Variants in GALNT17 observed in about 807,000 individuals in gnomAD.
GALNT17 encodes the protein UDP-GalNAc:polypeptide N-acetylgalactosaminyltransferase-like 3.
A neutral mutation model predicts 63.7 loss-of-function variants in GALNT17; 29 were observed. The observed-to-expected ratio is 0.46, with a 90% CI of 0.34 to 0.62. GALNT17 has a LOEUF of 0.62. Among genes scored for constraint, GALNT17 ranks in the 20% least tolerant of loss-of-function variants. GALNT17 has a pLI of 0.01. For missense variants in GALNT17, 603 were observed against 799.6 expected (o/e 0.75, Z 2.97); for synonymous variants, 305 against 318.3 (o/e 0.96, Z 0.45).
intron 5 of GALNT17, among the ~76,000 whole-genome samples, chr7:71,464,874 C>G (rs2116591391): frequency 6.6e-6 from 1 of 152,260 alleles, no homozygotes; most frequent in Non-Finnish European, 1.5e-5. Context: ...CAGCTGAGTT[C>G]AAACTTGCAC....
chr7:71,400,065 G>T (rs1037877763), intron 3 of GALNT17, among the ~76,000 whole-genome samples: 4 of 152,122 alleles, frequency 2.6e-5, no homozygotes, highest in African/African-American at 9.7e-5. Flanking sequence ...CATGTGCCAT[G>T]GTGGTTTGCT....
intron 5 of GALNT17, among the ~76,000 whole-genome samples, chr7:71,518,671 A>G (rs1001756935): frequency 2.0e-5 from 3 of 152,056 alleles, no homozygotes; most frequent in Non-Finnish European, 4.4e-5. Flanking sequence ...ATTTGGATAT[A>G]CTCCCACATT....
At chr7:71,671,070 C>T (rs145109059) in intron 8 of GALNT17, among the ~76,000 whole-genome samples, 101 of 150,152 alleles carry the variant, frequency 6.7e-4, no homozygotes, top group Admixed American at 1.7e-3. Flanking sequence ...AATTAATGGC[C>T]GCACATGGTT....
chr7:71,185,152 C>A (rs1304950696), intron 1 of GALNT17, among the ~76,000 whole-genome samples: 1 of 144,930 alleles, frequency 6.9e-6, no homozygotes, highest in African/African-American at 2.6e-5. Context: ...CCCGTCCCCT[C>A]CCCTTCCTTC....
chr7:71,218,700 C>T (rs1236713969), intron 1 of GALNT17, among the ~76,000 whole-genome samples: 1 of 152,014 alleles, frequency 6.6e-6, no homozygotes. Context: ...GCTCCACCTC[C>T]TGTCAGGCCA....
chr7:71,180,906 C>T (rs1008843549), intron 1 of GALNT17, among the ~76,000 whole-genome samples: 7 of 152,110 alleles, frequency 4.6e-5, no homozygotes, highest in East Asian at 1.9e-4. Context: ...GTGATGAACA[C>T]GGTCATTGTG....
At chr7:71,312,578 G>T (rs968418828) in intron 1 of GALNT17, among the ~76,000 whole-genome samples, 4 of 152,144 alleles carry the variant, frequency 2.6e-5, no homozygotes, top group African/African-American at 4.8e-5. Flanking sequence ...TGCTGGCAGG[G>T]TTGGTTTCTC....
chr7:71,557,146 C>G (rs1048519465), intron 5 of GALNT17, among the ~76,000 whole-genome samples: 1 of 151,632 alleles, frequency 6.6e-6, no homozygotes, highest in Non-Finnish European at 1.5e-5. Flanking sequence ...TCTACCTCAG[C>G]CTCCCAAAGC....
chr7:71,376,315 A>AT (rs541338731), intron 2 of GALNT17, among the ~76,000 whole-genome samples: 6,891 of 133,720 alleles, frequency 0.052, 497 homozygotes, highest in African/African-American at 0.17. Flanking sequence ...GCACAGGAGG[A>AT]TTTTTTTTTT....
intron 5 of GALNT17, among the ~76,000 whole-genome samples, chr7:71,549,522 G>A (rs948766670): frequency 2.0e-5 from 3 of 152,162 alleles, no homozygotes; most frequent in Non-Finnish European, 4.4e-5. Context: ...GCTGCAGTGA[G>A]CTACGATCAT....
chr7:71,236,537 T>C (rs767830709), intron 1 of GALNT17, among the ~76,000 whole-genome samples: 8 of 152,168 alleles, frequency 5.3e-5, no homozygotes, highest in South Asian at 2.1e-4. Context: ...TGCCTTGTTA[T>C]CTTTTTCTAT....
chr7:71,581,740 G>T (rs1311849117), intron 6 of GALNT17, among the ~76,000 whole-genome samples: 1 of 152,112 alleles, frequency 6.6e-6, no homozygotes, highest in Non-Finnish European at 1.5e-5. Context: ...AGAGGACTCT[G>T]GTAGGGTAGG....
chr7:71,355,334 TTTC>T (rs1300293737), intron 2 of GALNT17, among the ~76,000 whole-genome samples: 3 of 152,206 alleles, frequency 2.0e-5, no homozygotes, highest in African/African-American at 4.8e-5. Flanking sequence ...TTTGAATGTT[TTTC>T]TTCTTAATGC....
intron 5 of GALNT17, among the ~76,000 whole-genome samples, chr7:71,456,934 G>C (rs1003791721): frequency 1.3e-5 from 2 of 152,152 alleles, no homozygotes; most frequent in Non-Finnish European, 2.9e-5. Flanking sequence ...AGTAAGGTGG[G>C]ACAACTCGAA....
At chr7:71,292,583 T>G (rs184365727) in intron 1 of GALNT17, among the ~76,000 whole-genome samples, 2 of 151,356 alleles carry the variant, frequency 1.3e-5, no homozygotes, top group East Asian at 3.9e-4. Context: ...ATGACCACAA[T>G]TAACCAAATT....
intron 5 of GALNT17, among the ~76,000 whole-genome samples, chr7:71,518,741 C>A (rs1788481992): frequency 6.6e-6 from 1 of 152,146 alleles, no homozygotes; most frequent in African/African-American, 2.4e-5. Flanking sequence ...TTAAAAAACC[C>A]ACTGCCAGGC....
At chr7:71,558,312 T>C (rs370353273) in intron 5 of GALNT17, among the ~76,000 whole-genome samples, 4 of 151,990 alleles carry the variant, frequency 2.6e-5, no homozygotes, top group Admixed American at 2.6e-4. Flanking sequence ...CATTAATGAG[T>C]CTAGGTTTTT....
intron 2 of GALNT17, among the ~76,000 whole-genome samples, chr7:71,374,858 G>A (rs1454026787): frequency 2.1e-5 from 1 of 48,090 alleles, no homozygotes; most frequent in Non-Finnish European, 3.9e-5. Context: ...TTTTTTTTTT[G>A]AGACGGAGTC....
At chr7:71,411,522 T>G (rs894513761) in intron 3 of GALNT17, among the ~76,000 whole-genome samples, 1 of 152,196 alleles carries the variant, frequency 6.6e-6, no homozygotes, top group African/African-American at 2.4e-5. Flanking sequence ...TCATTCACTT[T>G]AAGGTGAATT....
Sources: gnomAD v4.1 joint callset for allele counts (sites outside exome capture counted in the v4.1 genomes callset) on GRCh38, gnomAD v4.1.1 for gene constraint, MANE v1.5 for transcripts, NCBI Gene and HGNC (gene_info 2026-07-23, HGNC 2026-07-21) for gene names.